The following ICA1 variants were observed in gnomAD, a reference collection of about 807,000 sequenced individuals.
ICA1 encodes 69 kDa islet cell autoantigen.
A neutral mutation model predicts 71.0 loss-of-function variants in ICA1; 40 were observed. The ratio of observed to expected loss-of-function variants is 0.56; its 90% CI spans 0.44 to 0.73. The LOEUF is 0.73. Ranked by LOEUF, ICA1 falls within the 30% of genes least tolerant of loss-of-function variation. The probability of loss-of-function intolerance (pLI) is 0.00; values close to 1 mark genes in which losing one functional copy is unlikely to be tolerated. For synonymous variants in ICA1, 207 were observed against 209.5 expected, an observed-to-expected ratio of 0.99 and a Z score of 0.10; for missense variants, 578 against 576.5, an observed-to-expected ratio of 1.00 and a Z score of -0.03.
intron 1 of ICA1, among the ~76,000 whole-genome samples, chr7:8,247,232 G>A (rs1028097485): frequency 6.6e-6 from 1 of 152,116 alleles, no homozygotes; most frequent in Non-Finnish European, 1.5e-5. Flanking sequence ...CAAGTGGAAC[G>A]CTTGAGCCCA....
intron 8 of ICA1, among the ~76,000 whole-genome samples, chr7:8,147,184 G>C (rs1441858006): frequency 7.9e-5 from 12 of 151,996 alleles, no homozygotes; most frequent in Non-Finnish European, 1.3e-4. Context: ...ACAGCTCCAC[G>C]GTTATCATCC....
At chr7:8,208,465 G>A (rs1583254093) in intron 6 of ICA1, among the ~76,000 whole-genome samples, 1 of 152,160 alleles carries the variant, frequency 6.6e-6, no homozygotes, top group Non-Finnish European at 1.5e-5. Context: ...TACTTTAAAC[G>A]AGTGTGCTGG....
intron 1 of ICA1, among the ~76,000 whole-genome samples, chr7:8,245,867 T>C (rs1019214758): frequency 1.3e-5 from 2 of 152,214 alleles, no homozygotes; most frequent in Non-Finnish European, 1.5e-5. Flanking sequence ...AAGACAGATA[T>C]ATAATTTCCA....
chr7:8,173,291 G>A lies in ICA1; in HGVS notation c.580-14639C>T, dbSNP rs1779464164. Among the ~76,000 whole-genome samples the A allele has an allele frequency of 6.6e-6, 1 of 152,134 alleles. No homozygotes were observed. The highest frequency in any genetic ancestry group is 6.6e-5 in the Admixed American group (1 of 15,260). ...AGAAGGCTATTACTGGGGTCAAAAG[G>A]ACTCAGGAGTCAACCTAAGAGACTC... is the stretch of plus-strand genomic sequence containing the variant. On this transcript the variant is annotated intron_variant, in intron 6 of 13. Coordinates refer to ENST00000402384, the MANE Select transcript of ICA1 (RefSeq NM_001136020.3). This position sits in a 1 kb window ranked among gnomAD's most constrained non-coding sequence, Gnocchi z 4.0.
intron 4 of ICA1, among the ~76,000 whole-genome samples, chr7:8,221,926 T>C (rs1157943484): frequency 1.3e-5 from 2 of 152,280 alleles, no homozygotes; most frequent in Admixed American, 6.5e-5. Context: ...GGTCATCAGG[T>C]TGATGACAGT....
At chr7:8,201,656 G>C (rs1471207693) in intron 6 of ICA1, among the ~76,000 whole-genome samples, 2 of 152,204 alleles carry the variant, frequency 1.3e-5, no homozygotes, top group African/African-American at 4.8e-5. Flanking sequence ...TTAGCTCCCA[G>C]GTTTCTCCAT....
chr7:8,231,255 C>T (rs1800191037), intron 3 of ICA1, among the ~76,000 whole-genome samples: 1 of 151,914 alleles, frequency 6.6e-6, no homozygotes, highest in Non-Finnish European at 1.5e-5. Flanking sequence ...GAGACAAGGC[C>T]ATCATAGCTG....
chr7:8,215,837 C>G (rs1006330835), intron 6 of ICA1, among the ~76,000 whole-genome samples: 1 of 152,212 alleles, frequency 6.6e-6, no homozygotes, highest in Admixed American at 6.5e-5. Context: ...CTCCCACAGT[C>G]ACTCCTGAGG....
At chr7:8,163,777 T>C (rs1340394578) in intron 6 of ICA1, among the ~76,000 whole-genome samples, 1 of 152,094 alleles carries the variant, frequency 6.6e-6, no homozygotes, top group Non-Finnish European at 1.5e-5. Context: ...AGTAGGTCAG[T>C]GTAGCTGCGT....
In ICA1 at chr7:8,156,041, G is replaced by A. The variant is rs1801374475; in HGVS notation, c.804+1075C>T. On this transcript the variant is annotated intron_variant, in intron 8 of 13. Coordinates refer to ENST00000402384, the MANE Select transcript of ICA1 (RefSeq NM_001136020.3). ...GCTAGTGCCAATCAATGGGCGGGCG[G>A]CCAGCTGGGAGAGGATAATGAAGAA... is the stretch of plus-strand genomic sequence containing the variant. Among the ~76,000 whole-genome samples, 3 of 152,182 alleles carry A rather than the reference G, an allele frequency of 2.0e-5. No homozygotes were observed. In the South Asian group the frequency reaches 6.2e-4, roughly 32 times the overall value.
intron 6 of ICA1, among the ~76,000 whole-genome samples, chr7:8,168,997 C>T (rs945062560): frequency 2.0e-5 from 3 of 152,048 alleles, no homozygotes; most frequent in Non-Finnish European, 2.9e-5. Flanking sequence ...TAAAAGTTCC[C>T]GTTGTAGTCA....
chr7:8,196,208 T>C (rs553394831), intron 6 of ICA1, among the ~76,000 whole-genome samples: 1 of 152,254 alleles, frequency 6.6e-6, no homozygotes, highest in East Asian at 1.9e-4. Context: ...CATGAAAAGA[T>C]ATGGAGAAAT....
Position 8,113,694 on chromosome 7 carries a change from C to T in ICA1, c.*229G>A, listed in dbSNP as rs975253537. On this transcript the variant is annotated 3_prime_UTR_variant, in exon 14 of 14. Transcript: ENST00000402384. This position sits in a 1 kb window ranked among gnomAD's most constrained non-coding sequence, Gnocchi z 4.2. ...GGCAGGAGAGCGGTGGCCTGGAAAC[C>T]GCTTCTAGACAATCCTGTATTATTT... 13 of 403,824 alleles carry T rather than the reference C, an allele frequency of 3.2e-5. No individual in the cohort carries two copies. The highest frequency in any genetic ancestry group is 1.0e-4 in the South Asian group (3 of 29,578). 25.0% of individuals were successfully genotyped at this position (403,824 alleles called of 1,614,324 possible).
intron 6 of ICA1, among the ~76,000 whole-genome samples, chr7:8,196,019 A>G (rs967558189): frequency 1.3e-5 from 2 of 151,962 alleles, no homozygotes; most frequent in Admixed American, 6.6e-5. Flanking sequence ...CAACACCAAA[A>G]ACAATAACAA....
rs141817806 is a variant in ICA1 at position 8,213,457 on chromosome 7, G to C, written c.579+4848C>G. On this transcript the variant is annotated intron_variant, in intron 6 of 13. Transcript: ENST00000402384. ...GCCCTACCTTAGACACTGAAGTAAA[G>C]CAGAAACTGGTTTAATCCAGAGAGC... Among the ~76,000 whole-genome samples, 35 of 152,254 alleles carry C rather than the reference G, an allele frequency of 2.3e-4. No homozygotes were observed. The East Asian group carries it at 6.6e-3, about 29-fold the overall frequency.
rs1343351926 is a variant in ICA1 at position 8,146,718 on chromosome 7, CGTGTGTGCGTGTGTGTGCGTGTGCGT to C, written c.805-2772_805-2747del. ...CAAAGCTTCCAGTGAAAGTCAGGCA[CGTGTGTGCGTGTGTGTGCGTGTGCGT>C]GTGTGTGTGTGTGTGTGTGTTTAGT... On this transcript the variant is annotated intron_variant, in intron 8 of 13. Transcript: ENST00000402384. 5.5e-5 allele frequency among the ~76,000 whole-genome samples: 8 copies of C among 145,068 alleles called. No individual in the cohort carries two copies. The East Asian group carries it at 1.2e-3, about 22-fold the overall frequency.
At chr7:8,164,001 T>C (rs994475373) in intron 6 of ICA1, among the ~76,000 whole-genome samples, 35 of 150,412 alleles carry the variant, frequency 2.3e-4, no homozygotes, top group African/African-American at 8.6e-4. Context: ...AAGGAGAGAG[T>C]TGAAGGTAGA....
chr7:8,137,621 C>T (rs1330663972), intron 12 of ICA1, among the ~76,000 whole-genome samples: 1 of 152,230 alleles, frequency 6.6e-6, no homozygotes, highest in East Asian at 1.9e-4. Context: ...CTGCTTATTA[C>T]TTCCACTACC....
intron 1 of ICA1, among the ~76,000 whole-genome samples, chr7:8,238,739 C>T (rs1802688723): frequency 6.6e-6 from 1 of 152,132 alleles, no homozygotes; most frequent in Non-Finnish European, 1.5e-5. Context: ...ACAAAAATTG[C>T]TGAGCAAATT....
Sources: gnomAD v4.1 joint callset for allele counts (sites outside exome capture counted in the v4.1 genomes callset) on GRCh38, gnomAD v4.1.1 for gene constraint, Gnocchi (gnomAD v3.1) non-coding constraint, MANE v1.5 for transcripts, NCBI Gene and HGNC (gene_info 2026-07-23, HGNC 2026-07-21) for gene names.